The following PCDHGA2 variants were observed in gnomAD, a reference collection of about 807,000 sequenced individuals.
The protein encoded by PCDHGA2 is protocadherin gamma-A2.
Under a neutral mutation model 59.2 loss-of-function variants are expected in PCDHGA2, and 40 were observed. The observed-to-expected ratio is 0.68, with a 90% CI of 0.52 to 0.88. PCDHGA2 has a LOEUF of 0.88. Among genes scored for constraint, PCDHGA2 ranks in the 40% least tolerant of loss-of-function variants. PCDHGA2 has a pLI of 0.00. For synonymous variants in PCDHGA2, 560 were observed against 526.0 expected (o/e 1.06, Z -0.89); for missense variants, 1,226 against 1,204.0 (o/e 1.02, Z -0.27).
chr5:141,389,610 G>C, intron 1 of PCDHGA2: 1 of 1,613,118 alleles, frequency 6.2e-7, no homozygotes, highest in Non-Finnish European at 8.5e-7. Flanking sequence ...CTTCGATATG[G>C]TGCCGCACGC....
rs1433790348 is a variant in PCDHGA2, at chr5:141,431,831, G to A, written c.2425-62976G>A. The A allele has an allele frequency of 1.2e-6, 2 of 1,614,110 alleles. No homozygotes were observed. The highest frequency in any genetic ancestry group is 1.7e-6 in the Non-Finnish European group (2 of 1,180,040). On this transcript the variant is annotated intron_variant, in intron 1 of 3. Transcript: ENST00000394576. The surrounding 1 kb of genome is among the most constrained non-coding windows in gnomAD (Gnocchi z 4.8). Reference sequence around the variant, plus strand: ...CACCTCTCTCGCCAGCTCGGTTCCCGAAAACTCTCCCAGAGGGACATTAAT... The same window carrying A: ...CACCTCTCTCGCCAGCTCGGTTCCCAAAAACTCTCCCAGAGGGACATTAAT...
At position 141,486,538 on chromosome 5, in the gene PCDHGA2, C is replaced by A; in HGVS notation, c.2425-8269C>A. 1 of 1,614,150 alleles carries A rather than the reference C, an allele frequency of 6.2e-7. No individual in the cohort carries two copies. Among genetic ancestry groups the A allele is most frequent in the Non-Finnish European group, 8.5e-7 (1 of 1,180,038 alleles). ...ATGTGAATGATAATCCACCCTCTTTCTTTCAGAGGTCACATGAGGTGTTTG... is the reference window on the plus strand; with the variant it reads ...ATGTGAATGATAATCCACCCTCTTTATTTCAGAGGTCACATGAGGTGTTTG... On this transcript the variant is annotated intron_variant, in intron 1 of 3. Coordinates refer to ENST00000394576, the MANE Select transcript of PCDHGA2 (RefSeq NM_018915.4). This position sits in a 1 kb window ranked among gnomAD's most constrained non-coding sequence, Gnocchi z 5.0.
chr5:141,482,747 G>T lies in PCDHGA2; in HGVS notation c.2425-12060G>T, dbSNP rs182945398. On this transcript the variant is annotated intron_variant, in intron 1 of 3. Transcript: ENST00000394576. ...CATTGCAAGAAATTCCATGCAGAGG[G>T]ATTATGGTATTTCATTATCACTGAA... Among the ~76,000 whole-genome samples, 567 of 128,410 alleles carry T rather than the reference G, an allele frequency of 4.4e-3. 2 individuals carry two copies. The highest frequency in any genetic ancestry group is 0.019 in the African/African-American group (533 of 28,666). The allele number at this position is 128,410 out of a possible 152,430, so 84.2% of individuals were successfully genotyped here. A position where few individuals can be genotyped will look rare whatever the true frequency, so the allele number is the denominator to read the frequency against.
intron 1 of PCDHGA2, chr5:141,355,084 A>G (rs1396443038): frequency 6.9e-7 from 1 of 1,440,360 alleles, no homozygotes; most frequent in Admixed American, 2.5e-5. Context: ...CTTCAAGCGG[A>G]AGCCCTGAGA....
chr5:141,352,394 C>G (rs370902348), intron 1 of PCDHGA2: 7 of 1,614,050 alleles, frequency 4.3e-6, no homozygotes, highest in Non-Finnish European at 5.9e-6. Context: ...CCTGCGCCTG[C>G]GACGTTCCTC....
In PCDHGA2 at chr5:141,430,200, T is replaced by G. The variant is rs182960813; in HGVS notation, c.2425-64607T>G. Among the ~76,000 whole-genome samples the G allele has an allele frequency of 8.2e-4, 124 of 152,052 alleles. 2 individuals are homozygous for G. Among genetic ancestry groups the G allele is most frequent in the African/African-American group, 2.9e-3 (119 of 41,468 alleles). ...CCCAAATTATAGCTGAATCAGAAAG[T>G]TTAAATTATTATATTATATGATTTG... On this transcript the variant is annotated intron_variant, in intron 1 of 3. Transcript: ENST00000394576.
intron 1 of PCDHGA2, chr5:141,389,952 C>T (rs2091983675): frequency 3.1e-6 from 5 of 1,613,946 alleles, no homozygotes; most frequent in Non-Finnish European, 4.2e-6. Context: ...GCAGTTTTAC[C>T]TAGTGGTGGC....
rs758066525 is a variant in PCDHGA2, at chr5:141,477,331, T to C, written c.2425-17476T>C. The C allele has an allele frequency of 7.4e-6, 12 of 1,614,024 alleles. No individual in the cohort carries two copies. In the East Asian group the frequency reaches 1.1e-4, roughly 15 times the overall value. Reference sequence around the variant, plus strand: ...TCAGCCTTACTTCTTCCCTCAAGAATTACTTCACTTTGAAAACCAGTGCAG... The same window carrying C: ...TCAGCCTTACTTCTTCCCTCAAGAACTACTTCACTTTGAAAACCAGTGCAG... On this transcript the variant is annotated intron_variant, in intron 1 of 3. Coordinates refer to ENST00000394576, the MANE Select transcript of PCDHGA2 (RefSeq NM_018915.4). This position sits in a 1 kb window ranked among gnomAD's most constrained non-coding sequence, Gnocchi z 4.9.
chr5:141,345,604 AATT>A, intron 1 of PCDHGA2: 1 of 1,614,156 alleles, frequency 6.2e-7, no homozygotes, highest in Non-Finnish European at 8.5e-7. Context: ...GACTACGAGC[AATT>A]TAGAGACTTA....
Position 141,433,020 on chromosome 5 carries a change from C to T in PCDHGA2, c.2425-61787C>T, listed in dbSNP as rs761127608. 1.1e-5 allele frequency: 17 copies of T among 1,614,152 alleles called. No individual in the cohort carries two copies. The South Asian group carries it at 1.9e-4, about 18-fold the overall frequency. On this transcript the variant is annotated intron_variant, in intron 1 of 3. Coordinates refer to ENST00000394576, the MANE Select transcript of PCDHGA2 (RefSeq NM_018915.4). ...GTGCAGGCTTTCCTGCAGACCTATTCCCACGAGGTTTCCCTCACCACGGAC... is the reference window on the plus strand; with the variant it reads ...GTGCAGGCTTTCCTGCAGACCTATTTCCACGAGGTTTCCCTCACCACGGAC...
intron 1 of PCDHGA2, chr5:141,361,348 G>C: frequency 6.2e-7 from 1 of 1,613,980 alleles, no homozygotes; most frequent in South Asian, 1.1e-5. Context: ...TTACAAACTA[G>C]TGACAGACGG....
intron 1 of PCDHGA2, chr5:141,383,529 G>C (rs367939205): frequency 2.4e-5 from 39 of 1,612,356 alleles, no homozygotes; most frequent in Non-Finnish European, 3.1e-5. Flanking sequence ...TTCACCACCT[G>C]GTCCTCACAG....
rs754034325 is a variant in PCDHGA2 at position 141,413,380 on chromosome 5, C to T, written c.2424+71985C>T. On this transcript the variant is annotated intron_variant, in intron 1 of 3. Coordinates refer to ENST00000394576, the MANE Select transcript of PCDHGA2 (RefSeq NM_018915.4). ...CCGGGAGCTGGCGGAGCGCGGAGTC[C>T]GCATAGTCTCCAGAGGTAGGACGCA... is the stretch of plus-strand genomic sequence containing the variant. 4 of 1,613,962 alleles carry T rather than the reference C, an allele frequency of 2.5e-6. No individual in the cohort carries two copies. In the Middle Eastern group the frequency reaches 5.0e-4, roughly 200 times the overall value.
chr5:141,400,571 C>T (rs781701893), intron 1 of PCDHGA2: 1 of 1,612,704 alleles, frequency 6.2e-7, no homozygotes, highest in South Asian at 1.1e-5. Context: ...ACCCAATTTT[C>T]TGTATTTACA....
intron 1 of PCDHGA2, chr5:141,399,573 A>T (rs1431985190): frequency 6.2e-7 from 1 of 1,614,020 alleles, no homozygotes; most frequent in Admixed American, 1.7e-5. Flanking sequence ...TGAACGGCCA[A>T]GTCTCCTACT....
chr5:141,465,689 C>A (rs2099107540), intron 1 of PCDHGA2, among the ~76,000 whole-genome samples: 1 of 152,162 alleles, frequency 6.6e-6, no homozygotes, highest in African/African-American at 2.4e-5. Context: ...GACCAGTCTG[C>A]TTTTGCATTG....
In PCDHGA2 at chr5:141,339,412, G is replaced by A. The variant is rs200844226; in HGVS notation, c.441G>A (p.Thr147=). The change falls in exon 1 of 4, where the codon ACG becomes ACA. Residue 147 remains threonine, a synonymous_variant. Coordinates refer to ENST00000394576, the MANE Select transcript of PCDHGA2 (RefSeq NM_018915.4). The stretch of plus-strand genomic sequence containing the variant: ...AGCTAAAAATCAGTGAAACCACTAC[G>A]CCAGGATTCCGGATTCCTCTTAAGA... ...ELELKISETT[T]PGFRIPLKNA... The A allele has an allele frequency of 2.1e-5, 34 of 1,614,068 alleles. No individual in the cohort carries two copies. Among genetic ancestry groups the A allele is most frequent in the Non-Finnish European group, 2.3e-5 (27 of 1,180,050 alleles).
chr5:141,382,789 T>C (rs1778438315), intron 1 of PCDHGA2: 4 of 924,532 alleles, frequency 4.3e-6, no homozygotes, highest in African/African-American at 3.3e-5. Context: ...CAAGCCTCTA[T>C]CCTGCTGGAT....
In PCDHGA2 at chr5:141,489,459, C is replaced by A; in HGVS notation, c.2425-5348C>A. ...AATTGGGCTCTGAGGAGAATGGGCG[C>A]TATTTTTCCCTGAGCTTGATGAGTG... On this transcript the variant is annotated intron_variant, in intron 1 of 3. Transcript: ENST00000394576. The surrounding 1 kb of genome is among the most constrained non-coding windows in gnomAD (Gnocchi z 4.5). 1 of 1,614,086 alleles carries A rather than the reference C, an allele frequency of 6.2e-7. No individual in the cohort carries two copies. The highest frequency in any genetic ancestry group is 8.5e-7 in the Non-Finnish European group (1 of 1,180,012).
Sources: gnomAD v4.1 joint callset for allele counts (sites outside exome capture counted in the v4.1 genomes callset) on GRCh38, gnomAD v4.1.1 for gene constraint, Gnocchi (gnomAD v3.1) non-coding constraint, MANE v1.5 for transcripts, NCBI Gene and HGNC (gene_info 2026-07-23, HGNC 2026-07-21) for gene names.